AAMDC: variants seen among roughly 807,000 people sequenced by gnomAD.
AAMDC encodes mth938 domain-containing protein.
A neutral mutation model predicts 15.5 loss-of-function variants in AAMDC; 16 were observed. The observed-to-expected ratio is 1.03, with a 90% confidence interval of 0.70 to 1.57. The LOEUF is 1.57. Ranked by LOEUF, AAMDC falls within the 40% of genes most tolerant of loss-of-function variation. The probability of loss-of-function intolerance (pLI) is 0.00; values close to 1 mark genes in which losing one functional copy is unlikely to be tolerated. For missense variants in AAMDC, 141 were observed against 144.9 expected (o/e 0.97, Z 0.14); for synonymous variants, 51 against 51.6 (o/e 0.99, Z 0.05).
At chr11:77,887,640 T>C (rs1183747170) in intron 5 of AAMDC, among the ~76,000 whole-genome samples, 1 of 152,172 alleles carries the variant, frequency 6.6e-6, no homozygotes, top group Non-Finnish European at 1.5e-5. Context: ...TTGTCCCTGT[T>C]TGCAGATGAC....
At chr11:77,859,861 T>A (rs1950801921) in intron 2 of AAMDC, among the ~76,000 whole-genome samples, 1 of 152,236 alleles carries the variant, frequency 6.6e-6, no homozygotes, top group Non-Finnish European at 1.5e-5. Context: ...CTTCAAGTAA[T>A]ACAGCCTGAT....
intron 5 of AAMDC, chr11:77,878,896 T>G: frequency 1.4e-6 from 2 of 1,412,788 alleles, no homozygotes; most frequent in Non-Finnish European, 2.0e-6. Context: ...CTTGGCTCAT[T>G]CTGACACCTA....
At chr11:77,901,272 T>C, downstream of AAMDC, 1 of 842,222 alleles carries the variant, frequency 1.2e-6, no homozygotes, top group East Asian at 2.4e-5. Context: ...ATTTGTAATA[T>C]CTGAAAAAAA....
At chr11:77,878,405 C>T (rs1951667164) in intron 5 of AAMDC, among the ~76,000 whole-genome samples, 1 of 151,934 alleles carries the variant, frequency 6.6e-6, no homozygotes, top group Non-Finnish European at 1.5e-5. Flanking sequence ...ATGATTCATT[C>T]TCCAGCTATT....
chr11:77,866,088 C>G (rs901818459), intron 2 of AAMDC, among the ~76,000 whole-genome samples: 1 of 152,186 alleles, frequency 6.6e-6, no homozygotes, highest in Non-Finnish European at 1.5e-5. Flanking sequence ...TTGCTACTAC[C>G]CATTTATGCT....
chr11:77,833,555 G>T (rs955702958), intron 1 of AAMDC, among the ~76,000 whole-genome samples: 2 of 152,162 alleles, frequency 1.3e-5, no homozygotes, highest in Non-Finnish European at 2.9e-5. Context: ...CTCACCTGCT[G>T]CTTACCTCCT....
At chr11:77,893,205 C>T (rs546921138) in intron 5 of AAMDC, among the ~76,000 whole-genome samples, 4 of 152,298 alleles carry the variant, frequency 2.6e-5, no homozygotes, top group East Asian at 3.9e-4. Flanking sequence ...TGTGCTTTAA[C>T]GGATTCATTC....
At chr11:77,869,408 G>T (rs1293574188) in intron 2 of AAMDC, among the ~76,000 whole-genome samples, 1 of 148,104 alleles carries the variant, frequency 6.8e-6, no homozygotes, top group East Asian at 2.0e-4. Flanking sequence ...GACCTCCCAG[G>T]CCCAAGCAAT....
intron 1 of AAMDC, chr11:77,841,035 G>A: frequency 3.4e-6 from 2 of 582,100 alleles, no homozygotes; most frequent in South Asian, 2.3e-5. Context: ...AGGCTGGGAA[G>A]TCCAAGACCA....
At chr11:77,828,497 C>A (rs1949278144) in intron 1 of AAMDC, among the ~76,000 whole-genome samples, 1 of 151,838 alleles carries the variant, frequency 6.6e-6, no homozygotes, top group Admixed American at 6.6e-5. Context: ...GAAACCCCAT[C>A]TCTACTAAAA....
In AAMDC at chr11:77,891,557, C is replaced by A. The variant is rs1245047865; in HGVS notation, c.329-9014C>A. The A allele has an allele frequency of 2.5e-5, 39 of 1,548,884 alleles. No individual in the cohort carries two copies. In the African/African-American group the frequency reaches 4.9e-4, roughly 19 times the overall value. Reference sequence around the variant, plus strand: ...TCTGTCTCCTTATCTAATGAGTGGGCATGTGGGAGCCACTCAGAGGAACAG... The same window carrying A: ...TCTGTCTCCTTATCTAATGAGTGGGAATGTGGGAGCCACTCAGAGGAACAG... On this transcript the variant is annotated intron_variant, in intron 5 of 5. Transcript: ENST00000304716.
chr11:77,905,266 G>A (rs1565235336), downstream of AAMDC, among the ~76,000 whole-genome samples: 1 of 152,090 alleles, frequency 6.6e-6, no homozygotes. Flanking sequence ...AGACCAGCCT[G>A]ACCAACATGG....
intron 2 of AAMDC, among the ~76,000 whole-genome samples, chr11:77,854,033 C>T (rs1438976355): frequency 6.6e-6 from 1 of 150,764 alleles, no homozygotes. Context: ...CTCCGTTGCC[C>T]AGGCTGGAGT....
rs112879821 is a variant in AAMDC at position 77,865,272 on chromosome 11, A to G, written c.133-4450A>G. Among the ~76,000 whole-genome samples the G allele has an allele frequency of 9.9e-3, 1,512 of 152,324 alleles. 20 individuals carry two copies. The highest frequency in any genetic ancestry group is 0.011 in the Non-Finnish European group (764 of 68,024). On this transcript the variant is annotated intron_variant, in intron 2 of 3. Coordinates refer to ENST00000393427, the MANE Select transcript of AAMDC (RefSeq NM_024684.4). ...ATCTCAAAATTCAGTAGCATAAAGA[A>G]GATAGAAGTGTCTTTCTCTCATAAA...
At chr11:77,900,790 C>T, downstream of AAMDC, 1 of 594,604 alleles carries the variant, frequency 1.7e-6, no homozygotes, top group Non-Finnish European at 3.0e-6. Context: ...GTGGCAATTC[C>T]AGTTATCTGA....
chr11:77,869,730 T>C lies in AAMDC; in HGVS notation c.141T>C (p.Pro47=). ...DWRETGTEHS[P]GVQPADVKEV... ...TCTCTTTCCACATCCAGCATTCTCC[T>C]GGTGTGCAGCCTGCAGATGTGAAGG... The change falls in exon 3 of 4, where the codon CCT becomes CCC. Residue 47 remains proline, a synonymous_variant. Transcript: ENST00000393427. 1.2e-6 allele frequency: 2 copies of C among 1,613,834 alleles called. No individual in the cohort carries two copies. Among genetic ancestry groups the C allele is most frequent in the Non-Finnish European group, 1.7e-6 (2 of 1,179,818 alleles).
At chr11:77,887,303 C>A (rs947353788) in intron 5 of AAMDC, among the ~76,000 whole-genome samples, 2 of 152,200 alleles carry the variant, frequency 1.3e-5, no homozygotes, top group African/African-American at 4.8e-5. Context: ...ATCATATAAA[C>A]AGAACCAAAG....
chr11:77,901,232 T>G (rs936035450), downstream of AAMDC: 4 of 673,634 alleles, frequency 5.9e-6, no homozygotes, highest in Non-Finnish European at 1.0e-5. Flanking sequence ...CAATTGGATT[T>G]CCAAGGGTCT....
intron 5 of AAMDC, among the ~76,000 whole-genome samples, chr11:77,884,471 A>C (rs1951915815): frequency 1.3e-5 from 2 of 152,192 alleles, no homozygotes; most frequent in South Asian, 2.1e-4. Flanking sequence ...ACTGCAACAG[A>C]GTTCTTTCCT....
Sources: gnomAD v4.1 joint callset for allele counts (sites outside exome capture counted in the v4.1 genomes callset) on GRCh38, gnomAD v4.1.1 for gene constraint, MANE v1.5 for transcripts, NCBI Gene and HGNC (gene_info 2026-07-23, HGNC 2026-07-21) for gene names.